MAP2K5: variants seen among roughly 807,000 people sequenced by gnomAD.
MAP2K5 encodes dual specificity mitogen-activated protein kinase kinase 5.
A neutral mutation model predicts 83.1 loss-of-function variants in MAP2K5; 49 were observed. That is an observed-to-expected ratio of 0.59 (90% CI 0.47 to 0.75). The LOEUF (loss-of-function observed/expected upper bound fraction) is 0.75, where lower values mean the gene tolerates loss of function less well. Among genes scored for constraint, MAP2K5 ranks in the 30% least tolerant of loss-of-function variants. The pLI is 0.00. For synonymous variants in MAP2K5, 202 were observed against 191.8 expected (o/e 1.05, Z -0.44); for missense variants, 457 against 557.5 (o/e 0.82, Z 1.82).
At chr15:67,592,289 A>G (rs886810326) in intron 6 of MAP2K5, among the ~76,000 whole-genome samples, 3 of 152,104 alleles carry the variant, frequency 2.0e-5, no homozygotes, top group Non-Finnish European at 4.4e-5. Context: ...GTAAAAACAC[A>G]CCTGCTATGG....
intron 9 of MAP2K5, among the ~76,000 whole-genome samples, chr15:67,639,850 C>A (rs1234294939): frequency 6.6e-6 from 1 of 152,182 alleles, no homozygotes; most frequent in Non-Finnish European, 1.5e-5. Flanking sequence ...TGCTTTCACC[C>A]GTTATCTCTA....
intron 11 of MAP2K5, 50 bp from the exon 12 acceptor site, chr15:67,658,503 A>G: frequency 1.4e-6 from 2 of 1,404,140 alleles, no homozygotes; most frequent in Non-Finnish European, 2.0e-6. Context: ...AGCCCAGTGC[A>G]TTGTTCTGGT....
chr15:67,676,838 A>G lies in MAP2K5; in HGVS notation c.847+12193A>G, dbSNP rs1370734870. 2.6e-5 allele frequency among the ~76,000 whole-genome samples: 4 copies of G among 152,152 alleles called. No individual in the cohort carries two copies. Among genetic ancestry groups the G allele is most frequent in the African/African-American group, 9.7e-5 (4 of 41,430 alleles). ...GTCATAGGAAAGTGGTTGGTGGCCT[A>G]ATGGAAAAGCTCTAGTATGAGGGTC... On this transcript the variant is annotated intron_variant, in intron 13 of 21. Transcript: ENST00000178640. This position sits in a 1 kb window ranked among gnomAD's most constrained non-coding sequence, Gnocchi z 4.8.
intron 4 of MAP2K5, among the ~76,000 whole-genome samples, chr15:67,581,497 A>G (rs1360726212): frequency 6.6e-6 from 1 of 152,222 alleles, no homozygotes; most frequent in East Asian, 1.9e-4. Flanking sequence ...GTTTAATTAT[A>G]TAAACCATTA....
At chr15:67,607,313 A>C (rs1193150806) in intron 8 of MAP2K5, among the ~76,000 whole-genome samples, 1 of 152,218 alleles carries the variant, frequency 6.6e-6, no homozygotes, top group Admixed American at 6.5e-5. Flanking sequence ...TTGTCAAATA[A>C]AATTAATTAT....
chr15:67,580,811 A>C lies in MAP2K5; in HGVS notation c.310A>C (p.Ile104Leu). 6.2e-7 allele frequency: 1 copy of C among 1,607,090 alleles called. No individual in the cohort carries two copies. Among genetic ancestry groups the C allele is most frequent in the Non-Finnish European group, 8.5e-7 (1 of 1,174,706 alleles). ...VNGQLIEPLQ[I>L]FPRACKPPGE... ...TGGACAGTTAATAGAGCCTCTGCAG[A>C]TATTTCCAAGAGGTAATGTTGAGCA... Residue 104 changes from isoleucine to leucine, a missense_variant, in exon 4 of 22, where the codon ATA (isoleucine) becomes CTA (leucine). Transcript: ENST00000178640.
chr15:67,714,662 A>G (rs2088787809), intron 16 of MAP2K5, among the ~76,000 whole-genome samples: 1 of 152,032 alleles, frequency 6.6e-6, no homozygotes, highest in African/African-American at 2.4e-5. Flanking sequence ...CTTCTTTTTA[A>G]ATATTTAGTT....
intron 13 of MAP2K5, among the ~76,000 whole-genome samples, chr15:67,672,098 T>C (rs1476562685): frequency 6.6e-6 from 1 of 151,974 alleles, no homozygotes; most frequent in Non-Finnish European, 1.5e-5. Context: ...GTCTTTGCTA[T>C]TGTGAATAGT....
chr15:67,593,059 TAA>T, intron 7 of MAP2K5, 85 bp downstream of exon 7: 1 of 840,430 alleles, frequency 1.2e-6, no homozygotes, highest in South Asian at 1.7e-5. Context: ...ATTAAACAGA[TAA>T]AGAGTCTGTG....
At chr15:67,600,325 G>A (rs185155732) in intron 7 of MAP2K5, among the ~76,000 whole-genome samples, 1 of 152,262 alleles carries the variant, frequency 6.6e-6, no homozygotes, top group Admixed American at 6.5e-5. Flanking sequence ...TCCTAAGTTT[G>A]ACTTTGGTTA....
intron 8 of MAP2K5, chr15:67,628,892 G>T: frequency 1.3e-6 from 1 of 750,254 alleles, no homozygotes; most frequent in Non-Finnish European, 2.4e-6. Flanking sequence ...CGGCAGTGGG[G>T]ATGGATGGCT....
chr15:67,567,413 G>A (rs545870498), intron 3 of MAP2K5, among the ~76,000 whole-genome samples: 54 of 148,202 alleles, frequency 3.6e-4, no homozygotes, highest in African/African-American at 1.2e-3. Context: ...GCCGGACTGC[G>A]GACTGCAGTG....
rs185735161 is a variant in MAP2K5 at position 67,549,041 on chromosome 15, T to A, written c.136-993T>A. 366 of 1,489,998 alleles carry A rather than the reference T, an allele frequency of 2.5e-4. 2 individuals carry two copies. In the East Asian group the frequency reaches 5.8e-3, roughly 24 times the overall value. The allele number at this position is 1,489,998 out of a possible 1,614,324, so 92.3% of individuals were successfully genotyped here. ...CTAAGTGCCCTGCTTGGAAAGGCTG[T>A]GGGCTCCCTGCTGAGAAATACTGCG... is the stretch of plus-strand genomic sequence containing the variant. On this transcript the variant is annotated intron_variant, in intron 1 of 21. Transcript: ENST00000178640.
chr15:67,670,476 T>G (rs1004017646), intron 13 of MAP2K5: 13 of 454,856 alleles, frequency 2.9e-5, no homozygotes, highest in African/African-American at 2.6e-4. Flanking sequence ...GTATAAATTA[T>G]GCCTCAGTAA....
In MAP2K5 at chr15:67,774,167, A is replaced by G. The variant is rs925276234; in HGVS notation, c.1242+1415A>G. Among the ~76,000 whole-genome samples, 16 of 149,566 alleles carry G rather than the reference A, an allele frequency of 1.1e-4. No homozygotes were observed. The highest frequency in any genetic ancestry group is 3.7e-4 in the African/African-American group (15 of 40,510). ...CCTTGAAAGCAAGTGATGTGTGTGT[A>G]TGTGTGTGTGTGTGTGTGTGTGTGT... On this transcript the variant is annotated intron_variant, in intron 21 of 21. Coordinates refer to ENST00000178640, the MANE Select transcript of MAP2K5 (RefSeq NM_145160.3). This position sits in a 1 kb window ranked among gnomAD's most constrained non-coding sequence, Gnocchi z 4.9.
At chr15:67,634,622 T>C (rs1236631092) in intron 9 of MAP2K5, among the ~76,000 whole-genome samples, 1 of 152,116 alleles carries the variant, frequency 6.6e-6, no homozygotes, top group Non-Finnish European at 1.5e-5. Flanking sequence ...TTAGGTGCAT[T>C]TATGTTTGTT....
chr15:67,798,913 G>A (rs1188059823), intron 21 of MAP2K5, among the ~76,000 whole-genome samples: 2 of 152,206 alleles, frequency 1.3e-5, no homozygotes, highest in Non-Finnish European at 2.9e-5. Flanking sequence ...GCTCACGCCT[G>A]TAATCCCAGC....
chr15:67,670,403 T>C (rs1451701629), intron 13 of MAP2K5: 2 of 455,504 alleles, frequency 4.4e-6, no homozygotes, highest in Non-Finnish European at 8.8e-6. Flanking sequence ...AGTTACATGG[T>C]TATATGTGTT....
At chr15:67,741,815 C>CTAAAA (rs1430556627) in intron 17 of MAP2K5, among the ~76,000 whole-genome samples, 1 of 152,116 alleles carries the variant, frequency 6.6e-6, no homozygotes, top group African/African-American at 2.4e-5. Context: ...GAAGAGCTGT[C>CTAAAA]ATTAAACTTA....
Sources: gnomAD v4.1 joint callset for allele counts (sites outside exome capture counted in the v4.1 genomes callset) on GRCh38, gnomAD v4.1.1 for gene constraint, Gnocchi (gnomAD v3.1) non-coding constraint, MANE v1.5 for transcripts, NCBI Gene and HGNC (gene_info 2026-07-23, HGNC 2026-07-21) for gene names.